MFHAS1: variants seen among roughly 807,000 people sequenced by gnomAD.
MFHAS1 encodes multifunctional ROCO family signaling regulator 1.
MFHAS1 carries 50 observed loss-of-function variants against 70.4 expected under a neutral mutation model. The observed-to-expected ratio is 0.71, with a 90% CI of 0.57 to 0.90. The LOEUF is 0.90. MFHAS1 is among the 40% of genes least tolerant of loss of function. MFHAS1 has a pLI of 0.00. For missense variants in MFHAS1, 1,795 were observed against 1,347.6 expected (o/e 1.33, Z -5.20); for synonymous variants, 952 against 620.0 (o/e 1.54, Z -7.96).
chr8:8,879,506 T>C (rs1427184579), intron 1 of MFHAS1, among the ~76,000 whole-genome samples: 1 of 152,172 alleles, frequency 6.6e-6, no homozygotes, highest in African/African-American at 2.4e-5. Flanking sequence ...AAACAAGTAA[T>C]CCAAACTGAA....
In MFHAS1 at chr8:8,892,619, A is replaced by T; in HGVS notation, c.440T>A (p.Leu147Gln). The T allele has an allele frequency of 6.2e-7, 1 of 1,607,658 alleles. No homozygotes were observed. The highest frequency in any genetic ancestry group is 8.5e-7 in the Non-Finnish European group (1 of 1,177,646). The change falls in exon 1 of 3, where the codon CTG becomes CAG. Residue 147 changes from leucine to glutamine, a missense_variant. Physicochemically the swap from Leu to Gln is moderately radical, Grantham distance 113. Coordinates refer to ENST00000276282, the MANE Select transcript of MFHAS1 (RefSeq NM_004225.3). The surrounding 1 kb of genome is among the most constrained non-coding windows in gnomAD (Gnocchi z 4.7). ...GCCCAGCTGGGCGGGCAGGGCGGGC[A>T]GCTGGTTGTGGCTGAGGTTGAGCTT... ...LRKLNLSHNQ[L>Q]PALPAQLGAL... is the part of the protein sequence containing the mutation.
chr8:8,831,190 C>T (rs939562602), intron 1 of MFHAS1, among the ~76,000 whole-genome samples: 2 of 151,902 alleles, frequency 1.3e-5, no homozygotes, highest in African/African-American at 4.8e-5. Context: ...CCCACTGAAT[C>T]AGCAACCACC....
intron 1 of MFHAS1, among the ~76,000 whole-genome samples, chr8:8,834,132 C>T (rs4841052): frequency 6.9e-6 from 1 of 145,602 alleles, no homozygotes; most frequent in African/African-American, 2.5e-5. Flanking sequence ...TCAAAAAAAA[C>T]AAAAAAAACA....
intron 1 of MFHAS1, among the ~76,000 whole-genome samples, chr8:8,883,758 G>C (rs1224620356): frequency 7.0e-6 from 1 of 143,598 alleles, no homozygotes; most frequent in Non-Finnish European, 1.5e-5. Context: ...ATAGAAGCAA[G>C]TTAATAGGTA....
intron 1 of MFHAS1, among the ~76,000 whole-genome samples, chr8:8,872,031 G>A (rs1472879989): frequency 6.6e-6 from 1 of 152,188 alleles, no homozygotes; most frequent in Admixed American, 6.5e-5. Context: ...AAGGAAGGAA[G>A]AGGAGGCTAA....
chr8:8,810,427 T>C (rs963366292), intron 1 of MFHAS1, among the ~76,000 whole-genome samples: 5 of 152,194 alleles, frequency 3.3e-5, no homozygotes, highest in Non-Finnish European at 7.3e-5. Context: ...GTTTGAACCA[T>C]GCAGGTCCAT....
chr8:8,830,970 C>A (rs977277763), intron 1 of MFHAS1, among the ~76,000 whole-genome samples: 1 of 152,132 alleles, frequency 6.6e-6, no homozygotes, highest in African/African-American at 2.4e-5. Flanking sequence ...GTTGCTATAC[C>A]AAAATACTAC....
intron 1 of MFHAS1, among the ~76,000 whole-genome samples, chr8:8,882,468 C>T (rs1809565387): frequency 6.6e-6 from 1 of 151,674 alleles, no homozygotes; most frequent in South Asian, 2.1e-4. Context: ...AAGAAATAGC[C>T]GTGCGTGGTG....
At chr8:8,822,957 C>A (rs978561858) in intron 1 of MFHAS1, among the ~76,000 whole-genome samples, 1 of 151,988 alleles carries the variant, frequency 6.6e-6, no homozygotes, top group Non-Finnish European at 1.5e-5. Flanking sequence ...AGGCTGGTGG[C>A]GGGAAGGGAG....
chr8:8,884,271 T>C (rs1343473615), intron 1 of MFHAS1, among the ~76,000 whole-genome samples: 2 of 152,144 alleles, frequency 1.3e-5, no homozygotes, highest in Non-Finnish European at 2.9e-5. Flanking sequence ...TCCTAGTGCC[T>C]GATTAAGGTT....
At chr8:8,800,811 G>A (rs905733729) in intron 1 of MFHAS1, among the ~76,000 whole-genome samples, 4 of 152,122 alleles carry the variant, frequency 2.6e-5, no homozygotes, top group African/African-American at 9.7e-5. Flanking sequence ...AATAACAACA[G>A]CAGATGCCAA....
intron 1 of MFHAS1, among the ~76,000 whole-genome samples, chr8:8,811,340 C>A (rs1053197588): frequency 1.3e-5 from 2 of 151,214 alleles, no homozygotes; most frequent in African/African-American, 2.4e-5. Flanking sequence ...TAGGGTCTTG[C>A]GCTGTCACCC....
intron 1 of MFHAS1, among the ~76,000 whole-genome samples, chr8:8,857,071 A>G (rs895173028): frequency 7.2e-5 from 11 of 152,050 alleles, no homozygotes; most frequent in Non-Finnish European, 1.3e-4. Context: ...TGCAGAAGAA[A>G]ACATCCTAGA....
At chr8:8,882,589 G>C (rs916138485) in intron 1 of MFHAS1, among the ~76,000 whole-genome samples, 1 of 152,104 alleles carries the variant, frequency 6.6e-6, no homozygotes, top group African/African-American at 2.4e-5. Context: ...TCCACCCTGG[G>C]CGACAGAGTG....
intron 1 of MFHAS1, among the ~76,000 whole-genome samples, chr8:8,825,840 C>G (rs1283681973): frequency 6.6e-6 from 1 of 152,146 alleles, no homozygotes. Context: ...GATGTCTTTT[C>G]TTGCTAAAGG....
intron 1 of MFHAS1, among the ~76,000 whole-genome samples, chr8:8,803,066 G>A (rs1806137817): frequency 6.6e-6 from 1 of 152,134 alleles, no homozygotes; most frequent in Non-Finnish European, 1.5e-5. Flanking sequence ...GGGTTTTGGG[G>A]ATTCAAAGAG....
intron 2 of MFHAS1, among the ~76,000 whole-genome samples, chr8:8,792,862 C>A (rs1281117086): frequency 6.6e-6 from 1 of 152,122 alleles, no homozygotes; most frequent in South Asian, 2.1e-4. Context: ...CAATCTGTAT[C>A]CTTGAGGAGG....
intron 1 of MFHAS1, among the ~76,000 whole-genome samples, chr8:8,828,092 G>T (rs1288044165): frequency 2.6e-5 from 4 of 152,164 alleles, no homozygotes; most frequent in African/African-American, 9.7e-5. Flanking sequence ...GTGTGAAGCA[G>T]CCTACATCTG....
chr8:8,857,040 A>T (rs1343825229), intron 1 of MFHAS1, among the ~76,000 whole-genome samples: 2 of 151,472 alleles, frequency 1.3e-5, no homozygotes, highest in Non-Finnish European at 1.5e-5. Flanking sequence ...CAGGCTGTTC[A>T]TAATTTTGTT....
Sources: allele counts gnomAD v4.1 joint callset (sites outside exome capture counted in the v4.1 genomes callset), GRCh38; gene constraint gnomAD v4.1.1; non-coding constraint Gnocchi (gnomAD v3.1); transcripts MANE v1.5; gene names NCBI Gene and HGNC (gene_info 2026-07-23, HGNC 2026-07-21).